The following SGTB variants were observed in gnomAD, a reference collection of about 807,000 sequenced individuals.
The protein encoded by SGTB is small glutamine rich tetratricopeptide repeat co-chaperone beta.
SGTB carries 19 observed loss-of-function variants against 43.9 expected under a neutral mutation model. That is an observed-to-expected ratio of 0.43 (90% CI 0.30 to 0.63). The LOEUF is 0.63. SGTB is among the 30% of genes least tolerant of loss of function. SGTB has a pLI of 0.12. For synonymous variants in SGTB, 116 were observed against 117.3 expected (o/e 0.99, Z 0.07); for missense variants, 304 against 358.9 (o/e 0.85, Z 1.24).
intron 5 of SGTB, among the ~76,000 whole-genome samples, chr5:65,701,374 A>G (rs1282770686): frequency 6.6e-6 from 1 of 152,122 alleles, no homozygotes; most frequent in African/African-American, 2.4e-5. Context: ...TTGAGATGAT[A>G]AAATTTAAAT....
At position 65,722,089 on chromosome 5, in the gene SGTB, C is replaced by T. The variant is rs1287726067; in HGVS notation, c.-195G>A. On this transcript the variant is annotated 5_prime_UTR_variant, in exon 1 of 11. Coordinates refer to ENST00000381007, the MANE Select transcript of SGTB (RefSeq NM_019072.3). ...ACCCCAGAACCCACCAGGCTGTGCT[C>T]TCTCTCAGGCGGCAGGGTCTGGCCA... The T allele has an allele frequency of 1.8e-5, 3 of 168,544 alleles. No homozygotes were observed. The highest frequency in any genetic ancestry group is 6.3e-5 in the Admixed American group (1 of 15,772). The allele number at this position is 168,544 out of a possible 1,614,324, so 10.4% of individuals were successfully genotyped here.
chr5:65,671,194 C>A (rs576453918), intron 10 of SGTB, among the ~76,000 whole-genome samples: 22 of 152,236 alleles, frequency 1.4e-4, no homozygotes, highest in Admixed American at 1.2e-3. Context: ...AGTTTGAAGT[C>A]TGCTGAAAAA....
At chr5:65,697,434 T>C (rs1195253694) in intron 5 of SGTB, among the ~76,000 whole-genome samples, 1 of 152,214 alleles carries the variant, frequency 6.6e-6, no homozygotes, top group Non-Finnish European at 1.5e-5. Context: ...TACTTAAAAG[T>C]ACATGGCTTA....
rs192588612 is a variant in SGTB at position 65,670,290 on chromosome 5, T to C, written c.871A>G (p.Ile291Val). 3 of 1,614,198 alleles carry C rather than the reference T, an allele frequency of 1.9e-6. No homozygotes were observed. The highest frequency in any genetic ancestry group is 1.7e-5 in the Admixed American group (1 of 60,026). Residue 291 changes from isoleucine (I) to valine (V), a missense_variant, in exon 11 of 11, where the codon ATC becomes GTC. Ile to Val is a conservative substitution (Grantham distance 29). Coordinates refer to ENST00000381007, the MANE Select transcript of SGTB (RefSeq NM_019072.3). ...CTGCTGCTGAATGATCTGCTCCGGA[T>C]GTGATTTCTCAGTTGCTCTATAAGT... ...PELIEQLRNH[I>V]RSRSFSSSAE...
intron 2 of SGTB, among the ~76,000 whole-genome samples, chr5:65,719,629 C>A (rs1027872075): frequency 6.6e-6 from 1 of 151,978 alleles, no homozygotes; most frequent in South Asian, 2.1e-4. Context: ...AGACTTTAGG[C>A]CACAGGGACA....
intron 1 of SGTB, among the ~76,000 whole-genome samples, chr5:65,721,462 A>ATTCC (rs1758277333): frequency 6.6e-6 from 1 of 152,182 alleles, no homozygotes; most frequent in Admixed American, 6.5e-5. Flanking sequence ...GACAAGCTGG[A>ATTCC]AGCTCCCGGT....
chr5:65,706,801 C>T (rs1036730536), intron 4 of SGTB, among the ~76,000 whole-genome samples: 3 of 151,980 alleles, frequency 2.0e-5, no homozygotes, highest in Admixed American at 6.6e-5. Flanking sequence ...CACTGCACTC[C>T]AGCCTGGGCG....
rs910311399 is a variant in SGTB, at chr5:65,670,104, A to G, written c.*142T>C. The G allele has an allele frequency of 9.6e-6, 6 of 628,058 alleles. No homozygotes were observed. The African/African-American group carries it at 1.1e-4, about 12-fold the overall frequency. The allele number at this position is 628,058 out of a possible 1,614,324, so 38.9% of individuals were successfully genotyped here. A position where few individuals can be genotyped will look rare whatever the true frequency, so the allele number is the denominator to read the frequency against. On this transcript the variant is annotated 3_prime_UTR_variant, in exon 11 of 11. Transcript: ENST00000381007. ...AAACAGATTTATTCTTTAAGAATATACACAAGAGGTTTTCCTCCATTATTT... is the reference window on the plus strand; with the variant it reads ...AAACAGATTTATTCTTTAAGAATATGCACAAGAGGTTTTCCTCCATTATTT...
intron 8 of SGTB, among the ~76,000 whole-genome samples, chr5:65,678,605 G>C (rs1757326877): frequency 6.6e-6 from 1 of 152,136 alleles, no homozygotes; most frequent in South Asian, 2.1e-4. Flanking sequence ...GTACTACAGG[G>C]CTACAATAAC....
chr5:65,688,968 C>G (rs1010013528), intron 5 of SGTB, among the ~76,000 whole-genome samples: 1 of 152,098 alleles, frequency 6.6e-6, no homozygotes, highest in African/African-American at 2.4e-5. Flanking sequence ...CGCCACCACG[C>G]CCAGCTAATT....
At chr5:65,722,595 C>G (rs376947582), upstream of SGTB, among the ~76,000 whole-genome samples, 7 of 152,232 alleles carry the variant, frequency 4.6e-5, no homozygotes, top group African/African-American at 1.7e-4. Flanking sequence ...CCTGGGGCCA[C>G]CTTTCCCGCC....
chr5:65,670,139 A>C lies in SGTB; in HGVS notation c.*107T>G. 1 of 840,420 alleles carries C rather than the reference A, an allele frequency of 1.2e-6. No homozygotes were observed. Among genetic ancestry groups the C allele is most frequent in the Non-Finnish European group, 1.9e-6 (1 of 526,662 alleles). 52.1% of individuals were successfully genotyped at this position (840,420 alleles called of 1,614,324 possible). On this transcript the variant is annotated 3_prime_UTR_variant, in exon 11 of 11. Transcript: ENST00000381007. ...TTTTCCTCCATTATTTTCACACATC[A>C]GATATGGTGTTTGGTTTTTTGAAGG...
chr5:65,677,574 TG>T (rs1757307583), intron 8 of SGTB, among the ~76,000 whole-genome samples: 1 of 152,074 alleles, frequency 6.6e-6, no homozygotes, highest in African/African-American at 2.4e-5. Context: ...TGATGAACAT[TG>T]ATACAAAAAT....
intron 4 of SGTB, among the ~76,000 whole-genome samples, chr5:65,705,876 A>C (rs1437476409): frequency 3.3e-5 from 5 of 151,770 alleles, no homozygotes; most frequent in Admixed American, 1.3e-4. Flanking sequence ...AAAAAAAAAA[A>C]AAACACAAAA....
intron 10 of SGTB, 148 bp downstream of exon 10, chr5:65,671,767 T>A (rs1757160628): frequency 2.9e-6 from 2 of 698,108 alleles, no homozygotes; most frequent in Non-Finnish European, 4.7e-6. Flanking sequence ...ATTCATGAAC[T>A]TCTTTCAGAT....
chr5:65,701,939 A>C (rs1229234490), intron 5 of SGTB, among the ~76,000 whole-genome samples: 1 of 152,140 alleles, frequency 6.6e-6, no homozygotes, highest in African/African-American at 2.4e-5. Context: ...GGCCTAAATT[A>C]ATTTTAAATT....
At chr5:65,684,382 C>A (rs1757457372) in intron 6 of SGTB, among the ~76,000 whole-genome samples, 1 of 152,038 alleles carries the variant, frequency 6.6e-6, no homozygotes, top group Non-Finnish European at 1.5e-5. Context: ...CTGCACCTGG[C>A]TCAGTGAATG....
Position 65,712,989 on chromosome 5 carries a change from G to T in SGTB, c.176C>A (p.Thr59Lys), listed in dbSNP as rs752329362. 2 of 1,613,686 alleles carry T rather than the reference G, an allele frequency of 1.2e-6. No homozygotes were observed. Among genetic ancestry groups the T allele is most frequent in the South Asian group, 2.2e-5 (2 of 91,028 alleles). ...ACAGAAGGAACTGGTAAACATTTCT[G>T]TCAAAGGCTGTGAAACTGCTAGGTG... ...DTHLAVSQPL[T>K]EMFTSSFCKN... Residue 59 changes from threonine (T) to lysine (K), a missense_variant, in exon 3 of 11, where the codon ACA becomes AAA. By Grantham distance (78) the Thr-to-Lys change is moderately conservative. Coordinates refer to ENST00000381007, the MANE Select transcript of SGTB (RefSeq NM_019072.3).
At chr5:65,680,130 A>C (rs1015027333) in intron 8 of SGTB, among the ~76,000 whole-genome samples, 4 of 152,222 alleles carry the variant, frequency 2.6e-5, no homozygotes, top group Non-Finnish European at 5.9e-5. Flanking sequence ...ATGAGAACAC[A>C]ATGACACATG....
Sources: allele counts gnomAD v4.1 joint callset (sites outside exome capture counted in the v4.1 genomes callset), GRCh38; gene constraint gnomAD v4.1.1; transcripts MANE v1.5; gene names NCBI Gene and HGNC (gene_info 2026-07-23, HGNC 2026-07-21).